KSR2: variants seen among roughly 807,000 people sequenced by gnomAD.
KSR2 encodes kinase suppressor of ras 2.
A neutral mutation model predicts 107.8 loss-of-function variants in KSR2; 25 were observed. That is an observed-to-expected ratio of 0.23 (90% CI 0.17 to 0.32). KSR2 has a LOEUF of 0.32. Ranked by LOEUF, KSR2 falls within the 10% of genes least tolerant of loss-of-function variation. The pLI is 1.00. For synonymous variants in KSR2, 480 were observed against 507.0 expected, an observed-to-expected ratio of 0.95 and a Z score of 0.71; for missense variants, 887 against 1,268.9, an observed-to-expected ratio of 0.70 and a Z score of 4.57.
At chr12:117,604,412 T>C (rs1322598313) in intron 5 of KSR2, among the ~76,000 whole-genome samples, 3 of 152,234 alleles carry the variant, frequency 2.0e-5, no homozygotes, top group Admixed American at 6.5e-5. Context: ...TTTGGGTACA[T>C]AAGAATTGAA....
At chr12:117,834,548 C>A (rs2137127632) in intron 3 of KSR2, among the ~76,000 whole-genome samples, 1 of 152,188 alleles carries the variant, frequency 6.6e-6, no homozygotes, top group South Asian at 2.1e-4. Flanking sequence ...ATAAAATAAT[C>A]AACCCAGGAG....
chr12:117,675,694 A>G (rs1233317760), intron 4 of KSR2, among the ~76,000 whole-genome samples: 1 of 152,178 alleles, frequency 6.6e-6, no homozygotes, highest in Non-Finnish European at 1.5e-5. Context: ...ACATGGCCTC[A>G]GCCTCCTCGA....
intron 1 of KSR2, among the ~76,000 whole-genome samples, chr12:117,950,592 T>C (rs1355075747): frequency 6.6e-6 from 1 of 151,112 alleles, no homozygotes; most frequent in African/African-American, 2.4e-5. Context: ...GCAAAAAAAA[T>C]TAGCCAGGCA....
chr12:117,909,560 C>A (rs1225925961), intron 1 of KSR2, among the ~76,000 whole-genome samples: 1 of 152,188 alleles, frequency 6.6e-6, no homozygotes, highest in African/African-American at 2.4e-5. Flanking sequence ...CCCTGAATCC[C>A]ATAGCACATT....
At chr12:117,823,687 A>C (rs1891642702) in intron 3 of KSR2, among the ~76,000 whole-genome samples, 1 of 152,232 alleles carries the variant, frequency 6.6e-6, no homozygotes, top group South Asian at 2.1e-4. Context: ...AACCAAGAGA[A>C]GATATCATTT....
chr12:117,671,463 C>A (rs1313119899), intron 4 of KSR2, among the ~76,000 whole-genome samples: 1 of 152,182 alleles, frequency 6.6e-6, no homozygotes, highest in Non-Finnish European at 1.5e-5. Context: ...TGACTCTGTG[C>A]TGTTCATTTT....
chr12:117,646,861 C>G (rs1593088272), intron 5 of KSR2, among the ~76,000 whole-genome samples: 1 of 152,294 alleles, frequency 6.6e-6, no homozygotes, highest in Middle Eastern at 3.4e-3. Flanking sequence ...CAAGTCCTCT[C>G]TGTCAGCAGC....
chr12:117,568,555 G>C (rs535954679), intron 7 of KSR2, among the ~76,000 whole-genome samples: 1 of 152,134 alleles, frequency 6.6e-6, no homozygotes, highest in East Asian at 1.9e-4. Flanking sequence ...GTGACACTTC[G>C]AGCCGGCTGT....
At chr12:117,964,658 C>A (rs1896742151) in intron 1 of KSR2, among the ~76,000 whole-genome samples, 1 of 152,162 alleles carries the variant, frequency 6.6e-6, no homozygotes, top group South Asian at 2.1e-4. Context: ...CCACTCTGTT[C>A]CAGATAGTGC....
intron 3 of KSR2, among the ~76,000 whole-genome samples, chr12:117,829,914 T>G (rs1166637216): frequency 6.6e-6 from 1 of 152,194 alleles, no homozygotes; most frequent in Non-Finnish European, 1.5e-5. Context: ...CCTCTAAAGA[T>G]AGCTGGCCAG....
intron 3 of KSR2, among the ~76,000 whole-genome samples, chr12:117,834,807 G>A (rs934307641): frequency 2.6e-5 from 4 of 152,160 alleles, no homozygotes; most frequent in Non-Finnish European, 4.4e-5. Flanking sequence ...AAAGGAGCTG[G>A]CTCACAGAAA....
intron 1 of KSR2, among the ~76,000 whole-genome samples, chr12:117,862,009 A>G (rs1005195576): frequency 7.3e-5 from 11 of 151,722 alleles, no homozygotes; most frequent in Admixed American, 4.6e-4. Flanking sequence ...ATTTCTTTAT[A>G]TACATTTTTT....
chr12:117,548,815 G>A (rs1344708810), intron 9 of KSR2, among the ~76,000 whole-genome samples: 2 of 152,178 alleles, frequency 1.3e-5, no homozygotes, highest in South Asian at 2.1e-4. Flanking sequence ...ACCCTCTCCA[G>A]AGAGTCTCTG....
intron 3 of KSR2, among the ~76,000 whole-genome samples, chr12:117,816,393 C>A (rs1293158335): frequency 6.6e-6 from 1 of 152,170 alleles, no homozygotes; most frequent in Non-Finnish European, 1.5e-5. Context: ...GGTGCAGAGA[C>A]AAACTATCCC....
intron 14 of KSR2, among the ~76,000 whole-genome samples, chr12:117,490,094 G>T (rs1004698215): frequency 6.6e-6 from 1 of 152,150 alleles, no homozygotes; most frequent in Non-Finnish European, 1.5e-5. Flanking sequence ...TATGGGTGAG[G>T]ATATGGACAC....
At chr12:117,644,939 A>G (rs1266101626) in intron 5 of KSR2, among the ~76,000 whole-genome samples, 1 of 152,094 alleles carries the variant, frequency 6.6e-6, no homozygotes, top group African/African-American at 2.4e-5. Flanking sequence ...GGTCTTTGGA[A>G]ATCCACTCCG....
rs199997820 is a variant in KSR2 at position 117,967,398 on chromosome 12, A to AT, written c.180+677dup. 2.7e-3 allele frequency among the ~76,000 whole-genome samples: 415 copies of AT among 151,058 alleles called. 4 individuals are homozygous for AT. Among genetic ancestry groups the AT allele is most frequent in the African/African-American group, 9.0e-3 (369 of 41,156 alleles). On this transcript the variant is annotated intron_variant, in intron 1 of 19. Coordinates refer to ENST00000339824, the MANE Select transcript of KSR2 (RefSeq NM_173598.6). Reference sequence around the variant, plus strand: ...CACCTATGTGTGCTGATTGAGGCATATTTTTTTTTCCCTTTTGTACGTTTT... The same window carrying AT: ...CACCTATGTGTGCTGATTGAGGCATATTTTTTTTTTCCCTTTTGTACGTTTT...
In KSR2 at chr12:117,862,887, G is replaced by A. The variant is rs575513990; in HGVS notation, c.181-2456C>T. 2.4e-4 allele frequency among the ~76,000 whole-genome samples: 36 copies of A among 152,022 alleles called. No individual in the cohort carries two copies. In the South Asian group the frequency reaches 5.2e-3, roughly 22 times the overall value. On this transcript the variant is annotated intron_variant, in intron 1 of 19. Coordinates refer to ENST00000339824, the MANE Select transcript of KSR2 (RefSeq NM_173598.6). ...TGGCACTACAGGCACCTGCCACCAC[G>A]CCTGGCTAATTTTCTGCATTTTTAG... is the stretch of plus-strand genomic sequence containing the variant.
intron 9 of KSR2, among the ~76,000 whole-genome samples, chr12:117,550,235 A>G (rs1283841858): frequency 3.3e-5 from 5 of 152,230 alleles, no homozygotes; most frequent in Non-Finnish European, 5.9e-5. Context: ...GTCCCAAGTC[A>G]TGGCTCAGAA....
Sources: gnomAD v4.1 joint callset for allele counts (sites outside exome capture counted in the v4.1 genomes callset) on GRCh38, gnomAD v4.1.1 for gene constraint, MANE v1.5 for transcripts, NCBI Gene and HGNC (gene_info 2026-07-23, HGNC 2026-07-21) for gene names.